The following MACROD2 variants were observed in gnomAD, a reference collection of about 807,000 sequenced individuals.
MACROD2 encodes ADP-ribose glycohydrolase MACROD2.
MACROD2 carries 36 observed loss-of-function variants against 70.4 expected under a neutral mutation model. The ratio of observed to expected loss-of-function variants is 0.51; its 90% CI spans 0.39 to 0.68. The LOEUF is 0.68. Among genes scored for constraint, MACROD2 ranks in the 30% least tolerant of loss-of-function variants. The pLI, the probability that MACROD2 is intolerant of heterozygous loss-of-function variation, is 0.00. For missense variants in MACROD2, 496 were observed against 538.4 expected, an observed-to-expected ratio of 0.92 and a Z score of 0.78; for synonymous variants, 172 against 178.8, an observed-to-expected ratio of 0.96 and a Z score of 0.30.
At chr20:14,807,828 G>A (rs1245906141) in intron 5 of MACROD2, among the ~76,000 whole-genome samples, 1 of 152,052 alleles carries the variant, frequency 6.6e-6, no homozygotes. Flanking sequence ...CAATAAAGCA[G>A]AAGAAAGGAT....
At chr20:15,263,547 T>G (rs1413395277) in intron 6 of MACROD2, among the ~76,000 whole-genome samples, 2 of 152,110 alleles carry the variant, frequency 1.3e-5, no homozygotes, top group Non-Finnish European at 2.9e-5. Flanking sequence ...TTTAGGATTT[T>G]TTATCTATTT....
intron 6 of MACROD2, among the ~76,000 whole-genome samples, chr20:15,344,323 A>G (rs1249189524): frequency 6.6e-6 from 1 of 152,098 alleles, no homozygotes; most frequent in Non-Finnish European, 1.5e-5. Flanking sequence ...GACCATCCCA[A>G]CTGAGAAAGC....
At chr20:14,366,333 C>T (rs961196105) in intron 3 of MACROD2, among the ~76,000 whole-genome samples, 40 of 147,846 alleles carry the variant, frequency 2.7e-4, no homozygotes, top group African/African-American at 9.6e-4. Context: ...TATATTTCTA[C>T]TTTTATCTAT....
chr20:15,519,931 C>G (rs1340790293), intron 8 of MACROD2, among the ~76,000 whole-genome samples: 1 of 152,194 alleles, frequency 6.6e-6, no homozygotes, highest in African/African-American at 2.4e-5. Flanking sequence ...AAGGGCCGAC[C>G]TGCAAAGGCT....
intron 5 of MACROD2, among the ~76,000 whole-genome samples, chr20:14,954,064 T>C (rs1385241249): frequency 6.6e-6 from 1 of 152,146 alleles, no homozygotes; most frequent in African/African-American, 2.4e-5. Context: ...ATGCGGTAAA[T>C]AGATTTTTTT....
intron 5 of MACROD2, among the ~76,000 whole-genome samples, chr20:14,732,779 C>A (rs942541286): frequency 1.3e-4 from 20 of 151,982 alleles, no homozygotes; most frequent in Non-Finnish European, 1.5e-5. Context: ...TTTTTCTCCC[C>A]CTTCAATCTT....
At chr20:14,693,738 T>A (rs1295976927) in intron 5 of MACROD2, among the ~76,000 whole-genome samples, 1 of 152,218 alleles carries the variant, frequency 6.6e-6, no homozygotes, top group Non-Finnish European at 1.5e-5. Context: ...AGATCTGAGA[T>A]GCATAAATGC....
intron 6 of MACROD2, among the ~76,000 whole-genome samples, chr20:15,328,265 G>A (rs545631935): frequency 1.1e-4 from 16 of 152,162 alleles, no homozygotes; most frequent in Admixed American, 1.0e-3. Flanking sequence ...CAGGAAGGAG[G>A]CCAGTCTGGC....
intron 10 of MACROD2, among the ~76,000 whole-genome samples, chr20:15,931,336 C>A (rs1250809610): frequency 6.6e-6 from 1 of 152,106 alleles, no homozygotes; most frequent in Non-Finnish European, 1.5e-5. Context: ...TGCAGAGCCA[C>A]CCCAGGTTCT....
intron 4 of MACROD2, among the ~76,000 whole-genome samples, chr20:14,570,078 T>C (rs1380486957): frequency 6.6e-6 from 1 of 152,070 alleles, no homozygotes; most frequent in Non-Finnish European, 1.5e-5. Flanking sequence ...AGAATGTGCA[T>C]AGCTGCACTT....
rs113693853 is a variant in MACROD2 at position 15,281,704 on chromosome 20, G to A, written c.540+51643G>A. Among the ~76,000 whole-genome samples the A allele has an allele frequency of 4.0e-3, 610 of 152,336 alleles. 5 individuals carry two copies. Among genetic ancestry groups the A allele is most frequent in the African/African-American group, 0.013 (551 of 41,576 alleles). Reference sequence around the variant, plus strand: ...CACCCAGCTGCTTTCATGGGCTGGCGTTGAGTGTCTGTGGCTTCTCCAGGC... The same window carrying A: ...CACCCAGCTGCTTTCATGGGCTGGCATTGAGTGTCTGTGGCTTCTCCAGGC... On this transcript the variant is annotated intron_variant, in intron 6 of 17. Transcript: ENST00000684519.
In MACROD2 at chr20:14,731,924, A is replaced by G. The variant is rs141414208; in HGVS notation, c.418+46965A>G. On this transcript the variant is annotated intron_variant, in intron 5 of 17. Coordinates refer to ENST00000684519, the MANE Select transcript of MACROD2 (RefSeq NM_001351661.2). ...CACTAAATTTTTTGGTTTTGAAAAC[A>G]TGGTTATTTTTATATGTTAATTTAT... Among the ~76,000 whole-genome samples the G allele has an allele frequency of 3.6e-3, 547 of 152,276 alleles. 4 individuals carry two copies. Among genetic ancestry groups the G allele is most frequent in the Non-Finnish European group, 6.2e-3 (420 of 68,012 alleles).
intron 3 of MACROD2, among the ~76,000 whole-genome samples, chr20:14,121,605 T>C (rs2148692699): frequency 6.6e-6 from 1 of 152,302 alleles, no homozygotes; most frequent in Non-Finnish European, 1.5e-5. Context: ...GAAATGTGGA[T>C]AGTAACCAAA....
chr20:15,137,682 A>G (rs1356244771), intron 5 of MACROD2, among the ~76,000 whole-genome samples: 1 of 151,992 alleles, frequency 6.6e-6, no homozygotes, highest in Non-Finnish European at 1.5e-5. Context: ...CACTTTGTGC[A>G]CATGTACCCT....
chr20:15,149,569 G>A (rs1300226175), intron 5 of MACROD2, among the ~76,000 whole-genome samples: 1 of 151,960 alleles, frequency 6.6e-6, no homozygotes, highest in African/African-American at 2.4e-5. Context: ...AAGGAGCCAG[G>A]GAGCAGAAAG....
At chr20:15,224,898 T>G (rs2076892120) in intron 5 of MACROD2, among the ~76,000 whole-genome samples, 1 of 149,972 alleles carries the variant, frequency 6.7e-6, no homozygotes, top group African/African-American at 2.5e-5. Flanking sequence ...AAGCAGAGGT[T>G]GCAGTGAGCC....
Position 14,170,528 on chromosome 20 carries a change from G to A in MACROD2, c.271+84800G>A, listed in dbSNP as rs1487090920. Among the ~76,000 whole-genome samples, 3 of 151,960 alleles carry A rather than the reference G, an allele frequency of 2.0e-5. No individual in the cohort carries two copies. The East Asian group carries it at 5.8e-4, about 29-fold the overall frequency. On this transcript the variant is annotated intron_variant, in intron 3 of 17. Transcript: ENST00000684519. ...TGTTAAGGTATGTTTCTTCTATGTCGATTTTGTTGAGGGTTTTCATCATAA... is the reference window on the plus strand; with the variant it reads ...TGTTAAGGTATGTTTCTTCTATGTCAATTTTGTTGAGGGTTTTCATCATAA...
At chr20:14,287,189 G>T (rs1214286966) in intron 3 of MACROD2, among the ~76,000 whole-genome samples, 3 of 152,164 alleles carry the variant, frequency 2.0e-5, no homozygotes, top group African/African-American at 7.2e-5. Flanking sequence ...TTAGAATGGA[G>T]TGGCAGATGG....
intron 8 of MACROD2, among the ~76,000 whole-genome samples, chr20:15,653,686 A>G (rs949479039): frequency 3.9e-5 from 6 of 152,284 alleles, no homozygotes; most frequent in Admixed American, 2.6e-4. Flanking sequence ...AGTGACTTCA[A>G]GATGATTCCA....
Sources: gnomAD v4.1 joint callset for allele counts (sites outside exome capture counted in the v4.1 genomes callset) on GRCh38, gnomAD v4.1.1 for gene constraint, MANE v1.5 for transcripts, NCBI Gene and HGNC (gene_info 2026-07-23, HGNC 2026-07-21) for gene names.